Variants in B4GALT4 observed in about 807,000 individuals in gnomAD.
The protein encoded by B4GALT4 is beta-1,4-galactosyltransferase 4.
B4GALT4 carries 27 observed loss-of-function variants against 37.3 expected under a neutral mutation model. The observed-to-expected ratio is 0.72, with a 90% CI of 0.53 to 1.00. The LOEUF is 1.00. Ranked by LOEUF, B4GALT4 falls within the 50% of genes least tolerant of loss-of-function variation. The pLI is 0.00. For synonymous variants in B4GALT4, 148 were observed against 154.1 expected, an observed-to-expected ratio of 0.96 and a Z score of 0.29; for missense variants, 372 against 413.1, an observed-to-expected ratio of 0.90 and a Z score of 0.86.
At chr3:119,219,090 G>C (rs547953330) in intron 5 of B4GALT4, among the ~76,000 whole-genome samples, 3 of 152,288 alleles carry the variant, frequency 2.0e-5, no homozygotes, top group African/African-American at 7.2e-5. Context: ...TTCATCTCAT[G>C]TGCCAATCCA....
intron 3 of B4GALT4, among the ~76,000 whole-genome samples, chr3:119,227,975 A>C (rs1431639267): frequency 1.3e-5 from 2 of 152,194 alleles, no homozygotes; most frequent in African/African-American, 4.8e-5. Flanking sequence ...CAAGCCACCC[A>C]AAGAGAATAA....
At chr3:119,213,544 G>C (rs780595284) in intron 7 of B4GALT4, 1 of 152,152 alleles carries the variant, frequency 6.6e-6, no homozygotes, top group Non-Finnish European at 1.5e-5. Context: ...ACAAACATAT[G>C]GGAAAACAAG....
At position 119,224,086 on chromosome 3, in the gene B4GALT4, C is replaced by T. The variant is rs1451358606; in HGVS notation, c.646G>A (p.Val216Met). 6.2e-6 allele frequency: 10 copies of T among 1,613,654 alleles called. No homozygotes were observed. Among genetic ancestry groups the T allele is most frequent in the Admixed American group, 3.3e-5 (2 of 59,908 alleles). Residue 216 changes from valine to methionine, a missense_variant, in exon 5 of 8, where the codon GTG becomes ATG. By Grantham distance (21) the Val-to-Met change is conservative. Transcript: ENST00000393765. ...TACCCAGTGCTGTTCCTGCCAACCA[C>T]CAGATGCTTGGGATGCTCCTCACAC... ...YKCEEHPKHL[V>M]VGRNSTGYRL... is the part of the protein sequence containing the mutation.
intron 1 of B4GALT4, chr3:119,240,616 C>T (rs1052252054): frequency 1.3e-5 from 2 of 152,116 alleles, no homozygotes; most frequent in African/African-American, 2.4e-5. Flanking sequence ...CGGCGCCGCG[C>T]GGAACGCCAG....
chr3:119,226,631 C>T (rs1275035778), intron 4 of B4GALT4, 178 bp downstream of exon 4: 2 of 629,136 alleles, frequency 3.2e-6, no homozygotes, highest in Non-Finnish European at 5.4e-6. Context: ...GAACCCATAA[C>T]TCCACACTCT....
At chr3:119,220,352 CCAA>C (rs1313436920) in intron 5 of B4GALT4, among the ~76,000 whole-genome samples, 1 of 152,210 alleles carries the variant, frequency 6.6e-6, no homozygotes, top group Non-Finnish European at 1.5e-5. Flanking sequence ...CCTGCTGACA[CCAA>C]CAAGCAATCA....
rs112631716 is a variant in B4GALT4 at position 119,222,009 on chromosome 3, G to C, written c.674+2049C>G. Among the ~76,000 whole-genome samples, 229 of 152,292 alleles carry C rather than the reference G, an allele frequency of 1.5e-3. 1 individual carries two copies. Among genetic ancestry groups the C allele is most frequent in the East Asian group, 5.6e-3 (29 of 5,178 alleles). On this transcript the variant is annotated intron_variant, in intron 5 of 7. Transcript: ENST00000393765. ...ATGAGTGAAAATCAGTTCCTGGCAG[G>C]AATGTCCAAGAGCTCAGCCTTCTTA...
chr3:119,228,767 A>G (rs1389903337), intron 3 of B4GALT4, among the ~76,000 whole-genome samples: 2 of 132,110 alleles, frequency 1.5e-5, no homozygotes, highest in African/African-American at 3.0e-5. Flanking sequence ...CTGGGAAGTA[A>G]CTAGGTTTAG....
chr3:119,221,572 T>C (rs2078451048), intron 5 of B4GALT4, among the ~76,000 whole-genome samples: 1 of 152,164 alleles, frequency 6.6e-6, no homozygotes, highest in Admixed American at 6.5e-5. Flanking sequence ...CTACCTACAT[T>C]ACTTATACAT....
intron 5 of B4GALT4, 93 bp from the exon 6 acceptor site, chr3:119,218,865 T>C (rs781502380): frequency 1.4e-6 from 2 of 1,481,380 alleles, no homozygotes; most frequent in Non-Finnish European, 1.8e-6. Context: ...TGGGAGACCA[T>C]GTACTTCCAC....
In B4GALT4 at chr3:119,218,840, C is replaced by A. The variant is rs1051609928; in HGVS notation, c.675-68G>T. On this transcript the variant is annotated intron_variant, in intron 5 of 7. Coordinates refer to ENST00000393765, the MANE Select transcript of B4GALT4 (RefSeq NM_003778.4). ...CAAAGGTCTCTGATTTCAGGGCTGG[C>A]GTTCTAGGAACACCTGGGAGACCAT... is the stretch of plus-strand genomic sequence containing the variant. 15 of 1,578,198 alleles carry A rather than the reference C, an allele frequency of 9.5e-6. No homozygotes were observed. In the Admixed American group the frequency reaches 2.2e-4, roughly 23 times the overall value.
chr3:119,211,808 G>T lies in B4GALT4; in HGVS notation c.*741C>A, dbSNP rs952033431. 4.1e-6 allele frequency: 1 copy of T among 243,590 alleles called. No homozygotes were observed. Among genetic ancestry groups the T allele is most frequent in the Non-Finnish European group, 7.9e-6 (1 of 126,240 alleles). The allele number at this position is 243,590 out of a possible 1,614,324, so 15.1% of individuals were successfully genotyped here. On this transcript the variant is annotated 3_prime_UTR_variant, in exon 8 of 8. Coordinates refer to ENST00000393765, the MANE Select transcript of B4GALT4 (RefSeq NM_003778.4). ...TTATTATTAGTTAATATGTAAACTT[G>T]TAAACTGCTAATTCATATCCTACTT...
Position 119,240,834 on chromosome 3 carries a change from G to A in B4GALT4, c.-364+16C>T, listed in dbSNP as rs1037793139. On this transcript the variant is annotated intron_variant, in intron 1 of 7. Coordinates refer to ENST00000393765, the MANE Select transcript of B4GALT4 (RefSeq NM_003778.4). The stretch of plus-strand genomic sequence containing the variant: ...GAACTGCATTTCCCGGGCGCCGGCG[G>A]AGCCAGCGTACTCACCCCGGAGGCG... The A allele has an allele frequency of 1.3e-5, 2 of 152,330 alleles. No homozygotes were observed. Among genetic ancestry groups the A allele is most frequent in the African/African-American group, 4.8e-5 (2 of 41,474 alleles). The allele number at this position is 152,330 out of a possible 1,614,324, so 9.4% of individuals were successfully genotyped here.
At chr3:119,216,083 G>A (rs138715714) in intron 7 of B4GALT4, 157 bp downstream of exon 7, 119 of 482,444 alleles carry the variant, frequency 2.5e-4, no homozygotes, top group African/African-American at 2.2e-3. Flanking sequence ...AGGGTTCAGT[G>A]CACCACTTTC....
chr3:119,238,562 G>C (rs1279403080), intron 1 of B4GALT4, among the ~76,000 whole-genome samples: 1 of 152,080 alleles, frequency 6.6e-6, no homozygotes, highest in Non-Finnish European at 1.5e-5. Flanking sequence ...AAGATATTTT[G>C]AGAAAGAGAT....
At position 119,223,289 on chromosome 3, in the gene B4GALT4, A is replaced by C. The variant is rs80310795; in HGVS notation, c.674+769T>G. Among the ~76,000 whole-genome samples the C allele has an allele frequency of 7.1e-3, 1,088 of 152,358 alleles. 11 individuals carry two copies. The highest frequency in any genetic ancestry group is 0.025 in the African/African-American group (1,057 of 41,586). ...TCAAACTGGTCTTATGGCCTCCAGC[A>C]CAGTCAGCACCACAGATATGAGCAC... On this transcript the variant is annotated intron_variant, in intron 5 of 7. Coordinates refer to ENST00000393765, the MANE Select transcript of B4GALT4 (RefSeq NM_003778.4).
chr3:119,211,928 CT>C lies in B4GALT4; in HGVS notation c.*620del, dbSNP rs1559908571. 1 of 538,378 alleles carries C rather than the reference CT, an allele frequency of 1.9e-6. No individual in the cohort carries two copies. The highest frequency in any genetic ancestry group is 3.3e-6 in the Non-Finnish European group (1 of 303,492). 33.4% of individuals were successfully genotyped at this position (538,378 alleles called of 1,614,324 possible). A position where few individuals can be genotyped will look rare whatever the true frequency, so the allele number is the denominator to read the frequency against. On this transcript the variant is annotated 3_prime_UTR_variant, in exon 8 of 8. Coordinates refer to ENST00000393765, the MANE Select transcript of B4GALT4 (RefSeq NM_003778.4). ...AAGGCATACCTGGGCAGGTCCTCCC[CT>C]GAAGGCTATCAGCAGCTGCAACCAG...
chr3:119,238,340 T>C (rs557278459), intron 1 of B4GALT4, among the ~76,000 whole-genome samples: 2 of 151,418 alleles, frequency 1.3e-5, no homozygotes, highest in Non-Finnish European at 2.9e-5. Flanking sequence ...ACCTTTTACA[T>C]ACAAAATGAT....
intron 7 of B4GALT4, chr3:119,216,008 T>A (rs577249372): frequency 1.7e-5 from 5 of 295,376 alleles, no homozygotes; most frequent in Admixed American, 5.1e-5. Context: ...CATTTCTAAA[T>A]CCAGTGGGGT....
Sources: gnomAD v4.1 joint callset for allele counts (sites outside exome capture counted in the v4.1 genomes callset) on GRCh38, gnomAD v4.1.1 for gene constraint, MANE v1.5 for transcripts, NCBI Gene and HGNC (gene_info 2026-07-23, HGNC 2026-07-21) for gene names.